Variants in CD226 observed in about 807,000 individuals in gnomAD.
CD226 encodes CD226 antigen.
Under a neutral mutation model 34.9 loss-of-function variants are expected in CD226, and 24 were observed. That is an observed-to-expected ratio of 0.69 (90% CI 0.50 to 0.97). The LOEUF (loss-of-function observed/expected upper bound fraction) is 0.97, where lower values mean the gene tolerates loss of function less well. Among genes scored for constraint, CD226 ranks in the 50% least tolerant of loss-of-function variants. The pLI is 0.00. For missense variants in CD226, 397 were observed against 412.7 expected (o/e 0.96, Z 0.33); for synonymous variants, 148 against 147.4 (o/e 1.00, Z -0.03).
chr18:69,958,788 A>AACACACACACAC (rs59835947), upstream of CD226, among the ~76,000 whole-genome samples: 1,438 of 143,772 alleles, frequency 0.01, 22 homozygotes, highest in African/African-American at 0.034. Flanking sequence ...TTCACAGGCA[A>AACACACACACAC]ACACACACAC....
At chr18:69,930,637 C>A (rs970833315) in intron 2 of CD226, among the ~76,000 whole-genome samples, 2 of 152,172 alleles carry the variant, frequency 1.3e-5, no homozygotes, top group Non-Finnish European at 2.9e-5. Flanking sequence ...CTTGTCTTGT[C>A]GAGACCTCTA....
At chr18:69,900,045 G>C (rs1397242366) in intron 2 of CD226, among the ~76,000 whole-genome samples, 2 of 152,136 alleles carry the variant, frequency 1.3e-5, no homozygotes, top group African/African-American at 4.8e-5. Flanking sequence ...GTCCATCAGT[G>C]ACAGATGGGA....
chr18:69,954,297 T>C (rs1450857031), intron 1 of CD226, among the ~76,000 whole-genome samples: 1 of 152,234 alleles, frequency 6.6e-6, no homozygotes, highest in Non-Finnish European at 1.5e-5. Flanking sequence ...CACAACTTTG[T>C]GATAACAGCT....
At chr18:69,944,159 G>T (rs1426569443) in intron 2 of CD226, among the ~76,000 whole-genome samples, 1 of 152,122 alleles carries the variant, frequency 6.6e-6, no homozygotes, top group African/African-American at 2.4e-5. Context: ...GTTTAAAAAA[G>T]TGAAGCTCTC....
intron 3 of CD226, among the ~76,000 whole-genome samples, chr18:69,889,155 A>C (rs1403846311): frequency 6.6e-6 from 1 of 152,132 alleles, no homozygotes; most frequent in African/African-American, 2.4e-5. Context: ...ACTATGTTTC[A>C]TCTGGATACC....
chr18:69,957,410 G>A (rs969928832), upstream of CD226, among the ~76,000 whole-genome samples: 3 of 151,514 alleles, frequency 2.0e-5, no homozygotes, highest in African/African-American at 7.3e-5. Flanking sequence ...GGTGTTTCCT[G>A]AGAACGAACC....
At chr18:69,918,500 G>A (rs1393068767) in intron 2 of CD226, among the ~76,000 whole-genome samples, 1 of 152,220 alleles carries the variant, frequency 6.6e-6, no homozygotes, top group Non-Finnish European at 1.5e-5. Flanking sequence ...GGAGGTTGCG[G>A]TGAGCCGAGA....
intron 3 of CD226, among the ~76,000 whole-genome samples, chr18:69,877,496 A>G (rs78057137): frequency 0.087 from 13,236 of 152,160 alleles, 633 homozygotes; most frequent in African/African-American, 0.12. Context: ...TAGAAATGGG[A>G]CTGGGCAAAA....
At chr18:69,950,919 C>A (rs78461200), upstream of CD226, among the ~76,000 whole-genome samples, 1 of 151,812 alleles carries the variant, frequency 6.6e-6, no homozygotes, top group Non-Finnish European at 1.5e-5. Context: ...CCTTTCCACA[C>A]GCCACAGAGA....
chr18:69,908,931 T>C (rs2055289615), intron 2 of CD226, among the ~76,000 whole-genome samples: 1 of 152,244 alleles, frequency 6.6e-6, no homozygotes, highest in African/African-American at 2.4e-5. Flanking sequence ...CTATTTATCC[T>C]TCAAAATTTA....
chr18:69,867,467 A>G, intron 4 of CD226, 56 bp from the exon 5 acceptor site: 1 of 1,145,900 alleles, frequency 8.7e-7, no homozygotes, highest in Non-Finnish European at 1.3e-6. Flanking sequence ...TACTAATATT[A>G]TTTCGAAGAC....
chr18:69,891,985 A>T (rs1984930928), intron 3 of CD226, among the ~76,000 whole-genome samples: 1 of 152,146 alleles, frequency 6.6e-6, no homozygotes. Flanking sequence ...TAGTCATTTG[A>T]CTACAGTCTC....
intron 5 of CD226, among the ~76,000 whole-genome samples, chr18:69,865,292 A>T (rs1293239063): frequency 6.6e-6 from 1 of 152,166 alleles, no homozygotes; most frequent in Non-Finnish European, 1.5e-5. Context: ...GACCAGCCAG[A>T]TGTTAGTGTT....
At chr18:69,958,631 T>C (rs2145392954), upstream of CD226, among the ~76,000 whole-genome samples, 1 of 152,190 alleles carries the variant, frequency 6.6e-6, no homozygotes, top group East Asian at 1.9e-4. Flanking sequence ...GCAAATCCTA[T>C]CTATCGTGAC....
chr18:69,961,197 G>C (rs1027763007), upstream of CD226, among the ~76,000 whole-genome samples: 1 of 152,176 alleles, frequency 6.6e-6, no homozygotes. Flanking sequence ...GAATATATAT[G>C]AATGTACCTC....
intron 3 of CD226, among the ~76,000 whole-genome samples, chr18:69,875,836 C>T (rs549046343): frequency 1.8e-4 from 27 of 152,288 alleles, no homozygotes; most frequent in Non-Finnish European, 5.9e-5. Context: ...TGTATAATCT[C>T]ACCTGTATGT....
chr18:69,879,531 A>G (rs999638510), intron 3 of CD226, among the ~76,000 whole-genome samples: 2 of 140,488 alleles, frequency 1.4e-5, no homozygotes, highest in Admixed American at 7.2e-5. Flanking sequence ...CCAGACTTTA[A>G]GGTTATCTCC....
At chr18:69,866,095 A>G (rs1983124569) in intron 5 of CD226, among the ~76,000 whole-genome samples, 1 of 152,182 alleles carries the variant, frequency 6.6e-6, no homozygotes, top group South Asian at 2.1e-4. Context: ...GTATCCTCAC[A>G]TTGCAAAGAG....
chr18:69,875,159 A>G (rs1040862458), intron 3 of CD226, among the ~76,000 whole-genome samples: 9 of 152,054 alleles, frequency 5.9e-5, no homozygotes, highest in Admixed American at 5.9e-4. Context: ...TATTTTTGGG[A>G]CAGAGTTTCA....
Sources: gnomAD v4.1 joint callset for allele counts (sites outside exome capture counted in the v4.1 genomes callset) on GRCh38, gnomAD v4.1.1 for gene constraint, MANE v1.5 for transcripts, NCBI Gene and HGNC (gene_info 2026-07-23, HGNC 2026-07-21) for gene names.